Variants in BRD4 observed in about 807,000 individuals in gnomAD.
BRD4 encodes bromodomain containing 4.
In BRD4, 16 loss-of-function variants were observed where a neutral mutation model predicts 142.1. The ratio of observed to expected loss-of-function variants is 0.11; its 90% CI spans 0.08 to 0.17. The LOEUF (loss-of-function observed/expected upper bound fraction) is 0.17. Among genes scored for constraint, BRD4 ranks in the 10% least tolerant of loss-of-function variants. BRD4 has a pLI of 1.00. For missense variants in BRD4, 1,424 were observed against 1,810.9 expected (o/e 0.79, Z 3.88); for synonymous variants, 833 against 707.5 (o/e 1.18, Z -2.82).
At chr19:15,273,656 G>T (rs1246007996) in intron 1 of BRD4, among the ~76,000 whole-genome samples, 1 of 152,162 alleles carries the variant, frequency 6.6e-6, no homozygotes, top group African/African-American at 2.4e-5. Context: ...GCCCACCCAT[G>T]GATGGCCCAC....
At chr19:15,320,162 G>C (rs1032137557) in intron 1 of BRD4, among the ~76,000 whole-genome samples, 1 of 152,122 alleles carries the variant, frequency 6.6e-6, no homozygotes, top group African/African-American at 2.4e-5. Flanking sequence ...GAGAAGCAGG[G>C]TCAGTCCCAT....
chr19:15,249,066 G>A (rs748541950), intron 11 of BRD4: 15 of 675,768 alleles, frequency 2.2e-5, no homozygotes, highest in Middle Eastern at 3.4e-4. Flanking sequence ...AGGCCTGGGC[G>A]GCTGGCCAGG....
At chr19:15,271,337 G>A (rs780234470) in intron 2 of BRD4, among the ~76,000 whole-genome samples, 23 of 152,112 alleles carry the variant, frequency 1.5e-4, no homozygotes, top group Admixed American at 2.6e-4. Flanking sequence ...CATTCACACC[G>A]TCGCAATCTG....
At chr19:15,270,061 T>C (rs4809125) in intron 2 of BRD4, among the ~76,000 whole-genome samples, 150,109 of 152,328 alleles carry the variant, frequency 0.99, 73,969 homozygotes, top group East Asian at 1. Flanking sequence ...ACTTTCTGAG[T>C]CATCACTCTG....
intron 4 of BRD4, among the ~76,000 whole-genome samples, chr19:15,266,939 G>C (rs1324590947): frequency 6.6e-6 from 1 of 152,174 alleles, no homozygotes; most frequent in African/African-American, 2.4e-5. Context: ...GATGGATGAG[G>C]AGGGCTTTCA....
At chr19:15,255,215 A>G in intron 10 of BRD4, 82 bp downstream of exon 10, 1 of 1,381,240 alleles carries the variant, frequency 7.2e-7, no homozygotes, top group Non-Finnish European at 9.8e-7. Context: ...GGGGCGCAGA[A>G]AGAGTGGACT....
chr19:15,295,920 G>C (rs2047819202), intron 1 of BRD4, among the ~76,000 whole-genome samples: 1 of 151,974 alleles, frequency 6.6e-6, no homozygotes, highest in Non-Finnish European at 1.5e-5. Flanking sequence ...GCAGTGAGCT[G>C]AGATTGTGCC....
intron 11 of BRD4, among the ~76,000 whole-genome samples, chr19:15,251,271 G>C (rs1323915947): frequency 6.6e-6 from 1 of 151,996 alleles, no homozygotes; most frequent in Non-Finnish European, 1.5e-5. Context: ...CTACCAAGAG[G>C]GGTGTTCATG....
At chr19:15,278,266 G>A (rs965349592) in intron 1 of BRD4, among the ~76,000 whole-genome samples, 7 of 151,126 alleles carry the variant, frequency 4.6e-5, no homozygotes, top group African/African-American at 1.2e-4. Context: ...CAGGCATGGC[G>A]GGCCACACCT....
chr19:15,325,121 G>A (rs1738815151), intron 1 of BRD4, among the ~76,000 whole-genome samples: 1 of 152,116 alleles, frequency 6.6e-6, no homozygotes, highest in South Asian at 2.1e-4. Context: ...CCTTGAGAGG[G>A]CACAGCACTG....
At chr19:15,298,990 G>C (rs767598765) in intron 1 of BRD4, among the ~76,000 whole-genome samples, 1 of 152,122 alleles carries the variant, frequency 6.6e-6, no homozygotes, top group Non-Finnish European at 1.5e-5. Flanking sequence ...CTCTTCTGCC[G>C]GCACAGAGCC....
chr19:15,255,687 C>A, intron 9 of BRD4, 95 bp from the exon 10 acceptor site: 1 of 1,428,732 alleles, frequency 7.0e-7, no homozygotes, highest in South Asian at 1.4e-5. Flanking sequence ...AAGGGGTGCC[C>A]TTCCCATACC....
chr19:15,249,304 G>A, intron 11 of BRD4: 1 of 1,614,004 alleles, frequency 6.2e-7, no homozygotes, highest in Non-Finnish European at 8.5e-7. Context: ...CGTAGAGGGA[G>A]AGAGAAACCA....
chr19:15,326,566 G>A (rs1158343002), intron 1 of BRD4, among the ~76,000 whole-genome samples: 2 of 152,132 alleles, frequency 1.3e-5, no homozygotes, highest in Non-Finnish European at 2.9e-5. Flanking sequence ...CAAATAACTG[G>A]AAGGAAAGAA....
chr19:15,312,166 G>C (rs2047977243), intron 1 of BRD4, among the ~76,000 whole-genome samples: 1 of 152,182 alleles, frequency 6.6e-6, no homozygotes, highest in African/African-American at 2.4e-5. Context: ...GCCACACAAA[G>C]CAAGTGTTCA....
chr19:15,301,037 T>C (rs2047862890), intron 1 of BRD4, among the ~76,000 whole-genome samples: 1 of 152,168 alleles, frequency 6.6e-6, no homozygotes, highest in Non-Finnish European at 1.5e-5. Context: ...CACGTGTCCT[T>C]CAACTGAGAA....
At chr19:15,303,451 A>T (rs898782881) in intron 1 of BRD4, among the ~76,000 whole-genome samples, 1 of 152,202 alleles carries the variant, frequency 6.6e-6, no homozygotes, top group African/African-American at 2.4e-5. Flanking sequence ...GCCAAATTCA[A>T]AACTCCGTAC....
intron 10 of BRD4, 88 bp from the exon 11 acceptor site, chr19:15,254,350 G>A (rs2145566615): frequency 4.3e-6 from 5 of 1,167,232 alleles, no homozygotes; most frequent in Middle Eastern, 2.3e-4. Context: ...CCATCTGGAG[G>A]AAGGACCAGT....
chr19:15,327,920 G>GGA (rs2048123215), intron 1 of BRD4, among the ~76,000 whole-genome samples: 1 of 117,442 alleles, frequency 8.5e-6, no homozygotes, highest in Non-Finnish European at 1.7e-5. Context: ...ATTTCTTTTG[G>GGA]GGGGGGGGGG....
Sources: allele counts gnomAD v4.1 joint callset (sites outside exome capture counted in the v4.1 genomes callset), GRCh38; gene constraint gnomAD v4.1.1; transcripts MANE v1.5; gene names NCBI Gene and HGNC (gene_info 2026-07-23, HGNC 2026-07-21).